RABGAP1L: variants seen among roughly 807,000 people sequenced by gnomAD.
The protein encoded by RABGAP1L is rab GTPase-activating protein 1-like.
A neutral mutation model predicts 137.7 loss-of-function variants in RABGAP1L; 63 were observed. The observed-to-expected ratio is 0.46, with a 90% CI of 0.37 to 0.56. The LOEUF is 0.56. Among genes scored for constraint, RABGAP1L ranks in the 20% least tolerant of loss-of-function variants. The pLI, the probability that RABGAP1L is intolerant of heterozygous loss-of-function variation, is 0.00. For synonymous variants in RABGAP1L, 431 were observed against 433.7 expected (o/e 0.99, Z 0.08); for missense variants, 1,095 against 1,244.0 (o/e 0.88, Z 1.80).
intron 11 of RABGAP1L, among the ~76,000 whole-genome samples, chr1:174,315,128 T>C (rs569191682): frequency 1.3e-5 from 2 of 152,256 alleles, no homozygotes; most frequent in African/African-American, 2.4e-5. Flanking sequence ...TCTTTCTCTT[T>C]AGCTCTAATA....
At chr1:174,691,077 C>T (rs1219794128) in intron 15 of RABGAP1L, among the ~76,000 whole-genome samples, 16 of 152,126 alleles carry the variant, frequency 1.1e-4, no homozygotes, top group Middle Eastern at 3.4e-3. Flanking sequence ...AGTGATCACA[C>T]ACAGCCTCCC....
intron 19 of RABGAP1L, among the ~76,000 whole-genome samples, chr1:174,846,488 A>G (rs1393176423): frequency 7.1e-6 from 1 of 140,540 alleles, no homozygotes; most frequent in Admixed American, 7.4e-5. Flanking sequence ...TTACGTACCC[A>G]GTAGTCATTC....
At chr1:174,436,843 C>T (rs1653396334) in intron 13 of RABGAP1L, among the ~76,000 whole-genome samples, 1 of 152,184 alleles carries the variant, frequency 6.6e-6, no homozygotes, top group African/African-American at 2.4e-5. Context: ...TGAAACCTCA[C>T]ACAGCCAGGT....
chr1:174,380,755 A>AT (rs1201974219), intron 12 of RABGAP1L, among the ~76,000 whole-genome samples: 4 of 100,522 alleles, frequency 4.0e-5, no homozygotes, highest in South Asian at 4.1e-4. Context: ...GGATTCATTG[A>AT]TTTTTTGAAG....
chr1:174,911,684 T>G (rs1660079558), intron 19 of RABGAP1L, among the ~76,000 whole-genome samples: 1 of 152,230 alleles, frequency 6.6e-6, no homozygotes, highest in South Asian at 2.1e-4. Context: ...CTATGATTCT[T>G]CTAAGCTGCT....
At position 174,340,375 on chromosome 1, in the gene RABGAP1L, TCACC is replaced by T. The variant is rs1406318193; in HGVS notation, c.1466-30603_1466-30600del. ...ATGATTTGCTGAAAAGATCAGTCTG[TCACC>T]TGGATATGAAGCCCAGCATCCATTA... On this transcript the variant is annotated intron_variant, in intron 11 of 25. Transcript: ENST00000681986. Among the ~76,000 whole-genome samples the T allele has an allele frequency of 7.2e-5, 11 of 152,284 alleles. No homozygotes were observed. In the Middle Eastern group the frequency reaches 0.01, roughly 141 times the overall value.
At chr1:174,918,193 A>G (rs1036701456) in intron 19 of RABGAP1L, among the ~76,000 whole-genome samples, 3 of 151,280 alleles carry the variant, frequency 2.0e-5, no homozygotes, top group Admixed American at 2.0e-4. Context: ...TGTATGTCCC[A>G]GTTCTGTCAC....
rs914990153 is a variant in RABGAP1L at position 174,163,626 on chromosome 1, C to A, written c.-34+3969C>A. 3.4e-5 allele frequency among the ~76,000 whole-genome samples: 5 copies of A among 146,946 alleles called. No individual in the cohort carries two copies. In the Admixed American group the frequency reaches 3.4e-4, roughly 10 times the overall value. ...CTGTTGGGCTTAAAAAAAAAAAAAACCCAACAACAACACAATTCTTTATAA... is the reference window on the plus strand; with the variant it reads ...CTGTTGGGCTTAAAAAAAAAAAAAAACCAACAACAACACAATTCTTTATAA... On this transcript the variant is annotated intron_variant, in intron 1 of 25. Coordinates refer to ENST00000681986, the MANE Select transcript of RABGAP1L (RefSeq NM_001366446.1).
At chr1:174,928,105 G>A (rs1378524439) in intron 19 of RABGAP1L, among the ~76,000 whole-genome samples, 1 of 152,098 alleles carries the variant, frequency 6.6e-6, no homozygotes, top group Non-Finnish European at 1.5e-5. Flanking sequence ...AGCCTTGCAG[G>A]CCCTTCTTGT....
intron 13 of RABGAP1L, among the ~76,000 whole-genome samples, chr1:174,441,273 C>T (rs1654113404): frequency 6.6e-6 from 1 of 151,762 alleles, no homozygotes; most frequent in South Asian, 2.1e-4. Context: ...TACCTAATGA[C>T]CCCGAAAATG....
chr1:174,964,927 T>C (rs1669482812), intron 20 of RABGAP1L: 4 of 1,494,424 alleles, frequency 2.7e-6, no homozygotes, highest in East Asian at 2.5e-5. Flanking sequence ...TATTCTTTTT[T>C]TTTAATTGTC....
rs527567665 is a variant in RABGAP1L at position 174,605,607 on chromosome 1, G to A, written c.1711-31768G>A. Among the ~76,000 whole-genome samples the A allele has an allele frequency of 4.6e-5, 7 of 152,202 alleles. No homozygotes were observed. In the South Asian group the frequency reaches 1.2e-3, roughly 27 times the overall value. On this transcript the variant is annotated intron_variant, in intron 13 of 25. Transcript: ENST00000681986. Reference sequence around the variant, plus strand: ...TGAAATCTCTGTTGTTGTCTGAAGCGGATCTGGTCACAAAAGTTTTGGCAC... The same window carrying A: ...TGAAATCTCTGTTGTTGTCTGAAGCAGATCTGGTCACAAAAGTTTTGGCAC...
At chr1:174,600,280 G>A (rs868685780) in intron 13 of RABGAP1L, among the ~76,000 whole-genome samples, 48 of 152,292 alleles carry the variant, frequency 3.2e-4, no homozygotes, top group African/African-American at 1.1e-3. Context: ...TTCAAGTTGA[G>A]ATTTGAATGG....
At chr1:174,576,373 A>G (rs1668375887) in intron 13 of RABGAP1L, among the ~76,000 whole-genome samples, 1 of 152,104 alleles carries the variant, frequency 6.6e-6, no homozygotes, top group Non-Finnish European at 1.5e-5. Flanking sequence ...GCTCTCCACA[A>G]GGGTCACATT....
At position 174,381,237 on chromosome 1, in the gene RABGAP1L, G is replaced by A. The variant is rs1228639550; in HGVS notation, c.1559+10165G>A. Among the ~76,000 whole-genome samples the A allele has an allele frequency of 8.0e-3, 1,176 of 146,526 alleles. 19 individuals carry two copies. The highest frequency in any genetic ancestry group is 0.029 in the African/African-American group (1,124 of 38,692). On this transcript the variant is annotated intron_variant, in intron 12 of 25. Transcript: ENST00000681986. ...TGTGGTCAATTTTGGAATAGGTGTG[G>A]TGTGGTGCTGAAAAAAATGTATATT... is the stretch of plus-strand genomic sequence containing the variant.
chr1:174,522,418 A>G (rs936296445), intron 13 of RABGAP1L, among the ~76,000 whole-genome samples: 1 of 152,028 alleles, frequency 6.6e-6, no homozygotes, highest in African/African-American at 2.4e-5. Context: ...CTCTACAAAA[A>G]CTTAGCTGGG....
chr1:174,578,353 T>A (rs1178880005), intron 13 of RABGAP1L, among the ~76,000 whole-genome samples: 1 of 152,080 alleles, frequency 6.6e-6, no homozygotes, highest in East Asian at 1.9e-4. Flanking sequence ...CCCTGCTAAT[T>A]TTTTGATTTT....
chr1:174,446,142 T>A (rs1157426478), intron 13 of RABGAP1L, among the ~76,000 whole-genome samples: 1 of 152,164 alleles, frequency 6.6e-6, no homozygotes, highest in Non-Finnish European at 1.5e-5. Context: ...GCTGAGAGAT[T>A]GTGAAGAATA....
At chr1:174,441,571 C>T (rs1654153340) in intron 13 of RABGAP1L, among the ~76,000 whole-genome samples, 1 of 151,954 alleles carries the variant, frequency 6.6e-6, no homozygotes, top group South Asian at 2.1e-4. Context: ...CCTGTCTCTA[C>T]TAAAAATACA....
Sources: gnomAD v4.1 joint callset for allele counts (sites outside exome capture counted in the v4.1 genomes callset) on GRCh38, gnomAD v4.1.1 for gene constraint, MANE v1.5 for transcripts, NCBI Gene and HGNC (gene_info 2026-07-23, HGNC 2026-07-21) for gene names.